ZGRF1: variants seen among roughly 807,000 people sequenced by gnomAD.
The protein encoded by ZGRF1 is 5'-3' DNA helicase ZGRF1.
In ZGRF1, 196 loss-of-function variants were observed where a neutral mutation model predicts 203.5. The ratio of observed to expected loss-of-function variants is 0.96; its 90% CI spans 0.86 to 1.08. The LOEUF (loss-of-function observed/expected upper bound fraction) is 1.08. Ranked by LOEUF, ZGRF1 falls within the 50% of genes least tolerant of loss-of-function variation. ZGRF1 has a pLI of 0.00. For synonymous variants in ZGRF1, 809 were observed against 841.3 expected (o/e 0.96, Z 0.66); for missense variants, 2,326 against 2,416.3 (o/e 0.96, Z 0.78).
chr4:112,554,698 T>C lies in ZGRF1; in HGVS notation c.5198+7A>G, dbSNP rs368331094. On this transcript the variant is annotated splice_region_variant and intron_variant, in intron 21 of 27. Coordinates refer to ENST00000505019, the MANE Select transcript of ZGRF1 (RefSeq NM_018392.5). The stretch of plus-strand genomic sequence containing the variant: ...ATTCTGTGACTTCTGGAATTTTGCA[T>C]TCTTACCTATAAGGTAAAATTGGTT... The C allele has an allele frequency of 2.8e-6, 4 of 1,452,436 alleles. No individual in the cohort carries two copies. Among genetic ancestry groups the C allele is most frequent in the African/African-American group, 1.4e-5 (1 of 71,128 alleles). 90.0% of individuals were successfully genotyped at this position (1,452,436 alleles called of 1,614,324 possible). A position where few individuals can be genotyped will look rare whatever the true frequency, so the allele number is the denominator to read the frequency against.
At chr4:112,606,289 T>C (rs536385599) in intron 8 of ZGRF1, among the ~76,000 whole-genome samples, 198 bp from the exon 9 acceptor site, 2 of 152,368 alleles carry the variant, frequency 1.3e-5, no homozygotes, top group Admixed American at 6.5e-5. Context: ...TAAGTCACTA[T>C]GCTAATTAAT....
At chr4:112,565,733 A>G (rs905781355) in intron 16 of ZGRF1, among the ~76,000 whole-genome samples, 1 of 152,336 alleles carries the variant, frequency 6.6e-6, no homozygotes, top group East Asian at 1.9e-4. Context: ...GCAGCCAAAA[A>G]ACACATGAAA....
chr4:112,630,958 G>T (rs2047390983), intron 3 of ZGRF1, among the ~76,000 whole-genome samples: 1 of 151,548 alleles, frequency 6.6e-6, no homozygotes, highest in Admixed American at 6.6e-5. Context: ...AAAAAGCCTA[G>T]GTTCATATGT....
chr4:112,545,173 T>C (rs1235152828), intron 24 of ZGRF1, among the ~76,000 whole-genome samples: 14 of 149,914 alleles, frequency 9.3e-5, no homozygotes, highest in Non-Finnish European at 1.8e-4. Context: ...CTTTTGTGCA[T>C]CAAAAAACAC....
intron 17 of ZGRF1, among the ~76,000 whole-genome samples, chr4:112,562,770 A>C (rs189387111): frequency 3.3e-5 from 5 of 152,342 alleles, no homozygotes; most frequent in African/African-American, 1.2e-4. Flanking sequence ...GTTAGTACCT[A>C]GTAGCACAAC....
chr4:112,589,692 G>T, intron 11 of ZGRF1, 32 bp downstream of exon 11: 1 of 1,590,612 alleles, frequency 6.3e-7, no homozygotes, highest in Non-Finnish European at 8.6e-7. Flanking sequence ...TAAATGAATA[G>T]ACAGATATTA....
At position 112,618,320 on chromosome 4, in the gene ZGRF1, CT is replaced by C. The variant is rs1248806561; in HGVS notation, c.1721del (p.Lys574ArgfsTer19). On this transcript the variant is annotated frameshift_variant, in exon 6 of 28. Coordinates refer to ENST00000505019, the MANE Select transcript of ZGRF1 (RefSeq NM_018392.5). LOFTEE classifies it high-confidence loss of function. ...CTTCACAGTTTGTATTCTCAGACCTCTTTTGAAAACATGAATTGCCATCATT... is the reference window on the plus strand; with the variant it reads ...CTTCACAGTTTGTATTCTCAGACCTCTTTGAAAACATGAATTGCCATCATT... Reference protein sequence around the residue: ...LVNDGNSCFQKRSENTNCEEI... With the variant: ...LVNDGNSCFQXRSENTNCEEI... 1 of 1,613,788 alleles carries C rather than the reference CT, an allele frequency of 6.2e-7. No individual in the cohort carries two copies. Among genetic ancestry groups the C allele is most frequent in the Non-Finnish European group, 8.5e-7 (1 of 1,179,934 alleles).
chr4:112,633,010 T>G, intron 2 of ZGRF1, 146 bp downstream of exon 2: 3 of 732,148 alleles, frequency 4.1e-6, no homozygotes, highest in South Asian at 1.6e-5. Flanking sequence ...CATTGTTTAT[T>G]TGAAATTCAA....
At chr4:112,607,275 C>T (rs573905130) in intron 8 of ZGRF1, among the ~76,000 whole-genome samples, 10 of 152,160 alleles carry the variant, frequency 6.6e-5, no homozygotes, top group Admixed American at 6.6e-4. Context: ...AAGCATGTGC[C>T]ACCATGCCAC....
At chr4:112,591,487 G>A (rs1748150818) in intron 10 of ZGRF1, among the ~76,000 whole-genome samples, 1 of 152,030 alleles carries the variant, frequency 6.6e-6, no homozygotes, top group South Asian at 2.1e-4. Context: ...ACCCTCCAAT[G>A]GCTCCCAATC....
At chr4:112,592,992 G>A (rs372691695) in intron 10 of ZGRF1, among the ~76,000 whole-genome samples, 1 of 152,152 alleles carries the variant, frequency 6.6e-6, no homozygotes, top group East Asian at 1.9e-4. Flanking sequence ...GGACATGTAA[G>A]GACATAGGGA....
chr4:112,582,201 T>C (rs1292910704), intron 15 of ZGRF1, among the ~76,000 whole-genome samples: 1 of 152,184 alleles, frequency 6.6e-6, no homozygotes, highest in African/African-American at 2.4e-5. Context: ...ATCTTTTCTT[T>C]GTGTTGGGAA....
chr4:112,579,323 T>C (rs1350933163), intron 16 of ZGRF1, among the ~76,000 whole-genome samples: 2 of 123,032 alleles, frequency 1.6e-5, no homozygotes, highest in Non-Finnish European at 3.6e-5. Flanking sequence ...TCACACTGAA[T>C]GGGCAAAAAC....
intron 10 of ZGRF1, among the ~76,000 whole-genome samples, chr4:112,594,741 C>T (rs1748719164): frequency 6.6e-6 from 1 of 151,996 alleles, no homozygotes; most frequent in African/African-American, 2.4e-5. Context: ...GTGTGAGCCA[C>T]CACGCCTGGC....
At chr4:112,633,102 G>A in intron 2 of ZGRF1, 54 bp downstream of exon 2, 1 of 1,522,328 alleles carries the variant, frequency 6.6e-7, no homozygotes, top group South Asian at 1.1e-5. Flanking sequence ...GCCTTTAAAA[G>A]AAAGAGACAG....
At chr4:112,555,654 A>G (rs1740796040) in intron 20 of ZGRF1, among the ~76,000 whole-genome samples, 1 of 152,196 alleles carries the variant, frequency 6.6e-6, no homozygotes, top group Non-Finnish European at 1.5e-5. Flanking sequence ...GTCTCCTCAA[A>G]GTACTATTCA....
At chr4:112,575,769 A>G (rs936506380) in intron 16 of ZGRF1, among the ~76,000 whole-genome samples, 18 of 152,226 alleles carry the variant, frequency 1.2e-4, no homozygotes, top group African/African-American at 4.3e-4. Context: ...GTAGGTAAAC[A>G]AAGTGGCAGG....
intron 3 of ZGRF1, among the ~76,000 whole-genome samples, chr4:112,624,658 G>C (rs1045439358): frequency 4.0e-5 from 6 of 151,312 alleles, no homozygotes; most frequent in African/African-American, 1.5e-4. Context: ...TAAATGTGAG[G>C]GGTAAGGGGG....
At chr4:112,604,130 C>T (rs1309947050) in intron 9 of ZGRF1, among the ~76,000 whole-genome samples, 3 of 151,332 alleles carry the variant, frequency 2.0e-5, no homozygotes, top group African/African-American at 4.9e-5. Context: ...AGGCTGAGGC[C>T]GGAGAATTGC....
Sources: allele counts gnomAD v4.1 joint callset (sites outside exome capture counted in the v4.1 genomes callset), GRCh38; gene constraint gnomAD v4.1.1; transcripts MANE v1.5; gene names NCBI Gene and HGNC (gene_info 2026-07-23, HGNC 2026-07-21).